The following ZNF454 variants were observed in gnomAD, a reference collection of about 807,000 sequenced individuals.
ZNF454 encodes zinc finger protein 454.
ZNF454 carries 30 observed loss-of-function variants against 48.2 expected under a neutral mutation model. The observed-to-expected ratio is 0.62, with a 90% CI of 0.47 to 0.84. The LOEUF (loss-of-function observed/expected upper bound fraction) is 0.84, where lower values mean the gene tolerates loss of function less well. Among genes scored for constraint, ZNF454 ranks in the 40% least tolerant of loss-of-function variants. The probability of loss-of-function intolerance (pLI) is 0.00; values close to 1 mark genes in which losing one functional copy is unlikely to be tolerated. For missense variants in ZNF454, 510 were observed against 623.1 expected (o/e 0.82, Z 1.93); for synonymous variants, 204 against 211.4 (o/e 0.97, Z 0.30).
chr5:178,965,898 T>C lies in ZNF454; in HGVS notation c.1494T>C (p.Cys498=), dbSNP rs1760135524. 1 of 1,610,476 alleles carries C rather than the reference T, an allele frequency of 6.2e-7. No individual in the cohort carries two copies. The highest frequency in any genetic ancestry group is 8.5e-7 in the Non-Finnish European group (1 of 1,178,830). The change falls in exon 5 of 5, where the codon TGT becomes TGC. Residue 498 remains cysteine (C), a synonymous_variant. Transcript: ENST00000519564. The surrounding 1 kb of genome is among the most constrained non-coding windows in gnomAD (Gnocchi z 5.2). ...ACACAGGAGAGAAACCCTATAAATG[T>C]AATAAATGTGGGAAAGCTTTTAACC... ...RIHTGEKPYK[C]NKCGKAFNQT...
rs1240398175 is a variant in ZNF454 at position 178,964,591 on chromosome 5, A to G, written c.251-64A>G. On this transcript the variant is annotated intron_variant, in intron 4 of 4. Coordinates refer to ENST00000519564, the MANE Select transcript of ZNF454 (RefSeq NM_001178089.3). ...TGTTAGCATTATGAAGAGGCTCGTC[A>G]TCTTGCCCCATCCAAATGTTTTGCT... 5.6e-6 allele frequency: 7 copies of G among 1,258,328 alleles called. No individual in the cohort carries two copies. The East Asian group carries it at 1.4e-4, about 25-fold the overall frequency. 77.9% of individuals were successfully genotyped at this position (1,258,328 alleles called of 1,614,324 possible). A position where few individuals can be genotyped will look rare whatever the true frequency, so the allele number is the denominator to read the frequency against.
At chr5:178,945,181 T>C (rs1759271712) in intron 2 of ZNF454, among the ~76,000 whole-genome samples, 3 of 151,192 alleles carry the variant, frequency 2.0e-5, no homozygotes, top group South Asian at 4.2e-4. Context: ...GCTGTGTCTT[T>C]GTATGTGAGT....
the ZNF454 span, chr5:178,981,000 G>A: frequency 6.5e-6 from 1 of 153,946 alleles, no homozygotes; most frequent in Admixed American, 6.5e-5. The surrounding 1 kb of genome is among the most constrained non-coding windows in gnomAD (Gnocchi z 4.3). Flanking sequence ...GTCTGACCTT[G>A]CCCAATCCCG....
In ZNF454 at chr5:178,948,701, T is replaced by G. The variant is rs1361697342; in HGVS notation, c.250+1715T>G. Among the ~76,000 whole-genome samples, 6 of 152,228 alleles carry G rather than the reference T, an allele frequency of 3.9e-5. No individual in the cohort carries two copies. In the East Asian group the frequency reaches 5.8e-4, roughly 15 times the overall value. On this transcript the variant is annotated intron_variant, in intron 4 of 4. Transcript: ENST00000519564. ...GGAAGGGTGATTAGCAGTTAGCCAG[T>G]CAGACGTCAGAGAAGACTTAATTTA...
At position 178,941,736 on chromosome 5, in the gene ZNF454, G is replaced by A. The variant is rs575575907; in HGVS notation, c.-108+292G>A. ...GCAGGGGCGGGACGGGGCTGTGTGT[G>A]ATTAGGGTTCCTAACCCTTCCCTCT... On this transcript the variant is annotated intron_variant, in intron 1 of 4. Coordinates refer to ENST00000519564, the MANE Select transcript of ZNF454 (RefSeq NM_001178089.3). The surrounding 1 kb of genome is among the most constrained non-coding windows in gnomAD (Gnocchi z 5.5). Among the ~76,000 whole-genome samples the A allele has an allele frequency of 1.9e-3, 283 of 152,282 alleles. 1 individual carries two copies. The highest frequency in any genetic ancestry group is 5.2e-3 in the Admixed American group (79 of 15,298).
intron 4 of ZNF454, among the ~76,000 whole-genome samples, chr5:178,964,183 C>T (rs112700787): frequency 0.11 from 16,920 of 151,174 alleles, 1,470 homozygotes; most frequent in African/African-American, 0.23. Flanking sequence ...TGCAGTGGCG[C>T]GATCTCGGCT....
At chr5:178,963,648 T>A (rs1418879998) in intron 4 of ZNF454, among the ~76,000 whole-genome samples, 1 of 151,736 alleles carries the variant, frequency 6.6e-6, no homozygotes, top group Non-Finnish European at 1.5e-5. Flanking sequence ...CGGCAGTGCT[T>A]GCAGCTGCAG....
At chr5:178,987,308 G>A in the ZNF454 span, 10 of 519,656 alleles carry the variant, frequency 1.9e-5, 1 homozygote, top group South Asian at 7.7e-5. Context: ...TTCCACTCCC[G>A]GGTAGATACT....
At chr5:178,986,447 C>T in the ZNF454 span, 1 of 1,613,218 alleles carries the variant, frequency 6.2e-7, no homozygotes, top group East Asian at 2.2e-5. Flanking sequence ...GTGGCCACCA[C>T]CGTGGTAGTG....
At chr5:178,947,538 T>C (rs896060108) in intron 4 of ZNF454, among the ~76,000 whole-genome samples, 9 of 152,242 alleles carry the variant, frequency 5.9e-5, no homozygotes, top group African/African-American at 2.2e-4. Context: ...TTGTATATTT[T>C]GCTGTGTTGC....
chr5:178,971,063 CATTT>C (rs1455377373), downstream of ZNF454, among the ~76,000 whole-genome samples: 5 of 152,256 alleles, frequency 3.3e-5, no homozygotes, highest in African/African-American at 1.2e-4. Context: ...TATATTCATT[CATTT>C]AATCCTCACA....
the ZNF454 span, among the ~76,000 whole-genome samples, chr5:178,973,721 T>A: frequency 6.6e-6 from 1 of 151,948 alleles, no homozygotes; most frequent in Admixed American, 6.6e-5. Context: ...CGGGCGCCTG[T>A]AGTCCCAGCT....
intron 4 of ZNF454, among the ~76,000 whole-genome samples, chr5:178,960,431 AT>A (rs1261945413): frequency 1.3e-5 from 2 of 150,640 alleles, no homozygotes; most frequent in Non-Finnish European, 2.9e-5. Context: ...CTAATTTTGT[AT>A]TTTTAGTAGA....
chr5:178,978,575 T>G, the ZNF454 span: 1 of 152,216 alleles, frequency 6.6e-6, no homozygotes, highest in Non-Finnish European at 1.5e-5. Context: ...GGTGAGACCT[T>G]ATAAATAGGT....
At chr5:178,949,276 T>C (rs1759465073) in intron 4 of ZNF454, among the ~76,000 whole-genome samples, 1 of 152,130 alleles carries the variant, frequency 6.6e-6, no homozygotes, top group Non-Finnish European at 1.5e-5. Flanking sequence ...GTTCTCAAAC[T>C]CGTGACCTCT....
At chr5:178,959,613 C>CT (rs977392914) in intron 4 of ZNF454, among the ~76,000 whole-genome samples, 125 of 149,058 alleles carry the variant, frequency 8.4e-4, no homozygotes, top group Middle Eastern at 3.4e-3. Flanking sequence ...AGATCATTTC[C>CT]TTTTTTTTTT....
the ZNF454 span, chr5:178,976,007 A>C: frequency 1.0e-5 from 4 of 382,228 alleles, no homozygotes; most frequent in Non-Finnish European, 2.1e-5. Context: ...TGCCTTCCTC[A>C]CATTTTCTCC....
the ZNF454 span, chr5:178,985,674 G>C: frequency 2.2e-5 from 9 of 400,770 alleles, no homozygotes; most frequent in South Asian, 7.3e-5. Flanking sequence ...CTGCACTCCA[G>C]CCTGGGCGAC....
chr5:178,963,442 G>A (rs759586607), intron 4 of ZNF454, among the ~76,000 whole-genome samples: 18 of 151,704 alleles, frequency 1.2e-4, no homozygotes, highest in Non-Finnish European at 2.2e-4. Context: ...AAGTAAAGAG[G>A]TTTGTTTCTT....
Sources: gnomAD v4.1 joint callset for allele counts (sites outside exome capture counted in the v4.1 genomes callset) on GRCh38, gnomAD v4.1.1 for gene constraint, Gnocchi (gnomAD v3.1) non-coding constraint, MANE v1.5 for transcripts, NCBI Gene and HGNC (gene_info 2026-07-23, HGNC 2026-07-21) for gene names.